DLGAP2: variants seen among roughly 807,000 people sequenced by gnomAD.
DLGAP2 encodes disks large-associated protein 2.
A neutral mutation model predicts 100.3 loss-of-function variants in DLGAP2; 26 were observed. The ratio of observed to expected loss-of-function variants is 0.26; its 90% CI spans 0.19 to 0.36. The LOEUF is 0.36. DLGAP2 is among the 10% of genes least tolerant of loss of function. The pLI, the probability that DLGAP2 is intolerant of heterozygous loss-of-function variation, is 1.00. For synonymous variants in DLGAP2, 886 were observed against 630.1 expected (o/e 1.41, Z -6.08); for missense variants, 1,858 against 1,453.2 (o/e 1.28, Z -4.53).
intron 2 of DLGAP2, among the ~76,000 whole-genome samples, chr8:1,017,773 C>T (rs960854491): frequency 6.6e-6 from 1 of 151,962 alleles, no homozygotes; most frequent in Non-Finnish European, 1.5e-5. Context: ...CGGGTAGACT[C>T]GTCTGAGTGC....
intron 3 of DLGAP2, among the ~76,000 whole-genome samples, chr8:1,324,126 A>C (rs567927001): frequency 3.3e-5 from 5 of 152,094 alleles, no homozygotes; most frequent in Non-Finnish European, 7.4e-5. Context: ...TTGAAGGGGG[A>C]GGAAGACGAC....
chr8:1,432,404 T>C (rs7002298), intron 3 of DLGAP2, among the ~76,000 whole-genome samples: 32,270 of 152,092 alleles, frequency 0.21, 3,809 homozygotes, highest in Middle Eastern at 0.29. Flanking sequence ...AGTTAGAATC[T>C]GGGGATTAGC....
At chr8:1,189,910 G>T (rs2116726292) in intron 2 of DLGAP2, among the ~76,000 whole-genome samples, 1 of 152,262 alleles carries the variant, frequency 6.6e-6, no homozygotes, top group East Asian at 1.9e-4. Context: ...CACGGCTTTG[G>T]GTGCCAGGAA....
intron 2 of DLGAP2, among the ~76,000 whole-genome samples, chr8:994,726 C>A (rs938594626): frequency 1.3e-5 from 2 of 152,166 alleles, no homozygotes; most frequent in Admixed American, 1.3e-4. Context: ...GACTGCTGGG[C>A]ATTGGAGAGA....
chr8:1,039,482 G>T (rs1364695193), intron 2 of DLGAP2, among the ~76,000 whole-genome samples: 1 of 140,946 alleles, frequency 7.1e-6, no homozygotes, highest in Non-Finnish European at 1.5e-5. Context: ...CTCGGTTTCC[G>T]TGGTCGGCTC....
At chr8:1,300,043 A>T (rs189948925) in intron 3 of DLGAP2, 2 of 152,212 alleles carry the variant, frequency 1.3e-5, no homozygotes, top group African/African-American at 4.8e-5. Flanking sequence ...AAAGACCCTG[A>T]TCCATTCAGA....
chr8:1,217,746 C>G (rs181094277), intron 2 of DLGAP2, among the ~76,000 whole-genome samples: 14 of 152,110 alleles, frequency 9.2e-5, no homozygotes, highest in Admixed American at 2.0e-4. Flanking sequence ...ATAAATTAAG[C>G]GTTATCTTTT....
At chr8:940,484 T>C (rs899491437) in intron 2 of DLGAP2, among the ~76,000 whole-genome samples, 3 of 152,088 alleles carry the variant, frequency 2.0e-5, no homozygotes, top group African/African-American at 7.2e-5. Flanking sequence ...AATGTGGGTG[T>C]GGACATCGTC....
At chr8:1,008,373 C>G (rs1177006654) in intron 2 of DLGAP2, among the ~76,000 whole-genome samples, 1 of 152,176 alleles carries the variant, frequency 6.6e-6, no homozygotes, top group African/African-American at 2.4e-5. Context: ...ATAGTGAAAA[C>G]TGGTATTGAT....
chr8:1,039,054 C>G (rs1802216743), intron 2 of DLGAP2, among the ~76,000 whole-genome samples: 1 of 152,188 alleles, frequency 6.6e-6, no homozygotes, highest in African/African-American at 2.4e-5. Context: ...TTTTCAGCCC[C>G]ACTTTCCTCC....
At chr8:1,435,809 C>T (rs997156099) in intron 3 of DLGAP2, among the ~76,000 whole-genome samples, 3 of 151,948 alleles carry the variant, frequency 2.0e-5, no homozygotes, top group Non-Finnish European at 4.4e-5. Context: ...GTGATATCGA[C>T]AGTCCTGACC....
intron 4 of DLGAP2, among the ~76,000 whole-genome samples, chr8:1,504,754 A>G (rs913201656): frequency 1.3e-5 from 2 of 151,892 alleles, no homozygotes; most frequent in African/African-American, 4.8e-5. Context: ...GGTATTCCAC[A>G]TTTTCTTTGT....
intron 6 of DLGAP2, among the ~76,000 whole-genome samples, chr8:1,596,930 G>C (rs1378569346): frequency 6.6e-6 from 1 of 152,140 alleles, no homozygotes; most frequent in East Asian, 1.9e-4. Context: ...TAGTCATGAA[G>C]TCTTTACCAG....
chr8:1,171,048 G>C (rs1181903870), intron 2 of DLGAP2, among the ~76,000 whole-genome samples: 1 of 151,916 alleles, frequency 6.6e-6, no homozygotes, highest in Non-Finnish European at 1.5e-5. Context: ...TCTACACACT[G>C]CTTTGAATGT....
chr8:914,107 A>T (rs1798543330), intron 2 of DLGAP2, among the ~76,000 whole-genome samples: 3 of 152,360 alleles, frequency 2.0e-5, no homozygotes, highest in African/African-American at 7.2e-5. Flanking sequence ...CCAGATACTA[A>T]AATTATTTAT....
chr8:1,233,345 G>C (rs1039124483), intron 2 of DLGAP2, among the ~76,000 whole-genome samples: 1 of 152,202 alleles, frequency 6.6e-6, no homozygotes, highest in African/African-American at 2.4e-5. Flanking sequence ...GGCCTGGCCT[G>C]TGCTCTAAGA....
At chr8:962,505 C>A (rs1227143033) in intron 2 of DLGAP2, among the ~76,000 whole-genome samples, 1 of 152,130 alleles carries the variant, frequency 6.6e-6, no homozygotes, top group Non-Finnish European at 1.5e-5. Context: ...CTGGGGTGGG[C>A]GCCTTGAGGG....
At chr8:1,189,407 C>T (rs1229828024) in intron 2 of DLGAP2, among the ~76,000 whole-genome samples, 3 of 152,172 alleles carry the variant, frequency 2.0e-5, no homozygotes, top group African/African-American at 4.8e-5. Flanking sequence ...ATCTGGAGTG[C>T]AGTTACCATG....
At chr8:861,094 T>TGGGAGGCAGCC (rs1797380934) in intron 1 of DLGAP2, among the ~76,000 whole-genome samples, 1 of 151,658 alleles carries the variant, frequency 6.6e-6, no homozygotes, top group South Asian at 2.1e-4. Context: ...GGCAGTGAGG[T>TGGGAGGCAGCC]GGGAGGCAGC....
Sources: gnomAD v4.1 joint callset for allele counts (sites outside exome capture counted in the v4.1 genomes callset) on GRCh38, gnomAD v4.1.1 for gene constraint, MANE v1.5 for transcripts, NCBI Gene and HGNC (gene_info 2026-07-23, HGNC 2026-07-21) for gene names.